The following NAV2 variants were observed in gnomAD, a reference collection of about 807,000 sequenced individuals.
NAV2 encodes neuron navigator 2.
In NAV2, 54 loss-of-function variants were observed where a neutral mutation model predicts 223.2. That is an observed-to-expected ratio of 0.24 (90% CI 0.19 to 0.30). The LOEUF (loss-of-function observed/expected upper bound fraction) is 0.30, where lower values mean the gene tolerates loss of function less well. Among genes scored for constraint, NAV2 ranks in the 10% least tolerant of loss-of-function variants. The pLI is 1.00. For missense variants in NAV2, 2,806 were observed against 3,147.5 expected, an observed-to-expected ratio of 0.89 and a Z score of 2.60; for synonymous variants, 1,279 against 1,239.3, an observed-to-expected ratio of 1.03 and a Z score of -0.67.
intron 11 of NAV2, among the ~76,000 whole-genome samples, chr11:19,991,482 C>G (rs1034532307): frequency 6.6e-6 from 1 of 152,194 alleles, no homozygotes; most frequent in Non-Finnish European, 1.5e-5. Context: ...AATCTAGGCT[C>G]TACCTCGTTG....
chr11:19,664,711 C>G (rs1345962050), intron 1 of NAV2, among the ~76,000 whole-genome samples: 2 of 152,156 alleles, frequency 1.3e-5, no homozygotes, highest in Non-Finnish European at 2.9e-5. Flanking sequence ...CTGCCTTTGA[C>G]CCATTAGCTA....
At chr11:19,917,074 C>A (rs2153225343) in intron 6 of NAV2, among the ~76,000 whole-genome samples, 1 of 152,332 alleles carries the variant, frequency 6.6e-6, no homozygotes, top group Middle Eastern at 3.4e-3. Context: ...GCTGGTGTAA[C>A]TAAGAGATCA....
chr11:19,512,516 T>G (rs1456931367), intron 1 of NAV2, among the ~76,000 whole-genome samples: 1 of 151,884 alleles, frequency 6.6e-6, no homozygotes, highest in Non-Finnish European at 1.5e-5. Flanking sequence ...AAAGGAAGGG[T>G]CCCATCCCCT....
At chr11:19,364,220 G>T (rs1253772916) in intron 1 of NAV2, among the ~76,000 whole-genome samples, 2 of 152,102 alleles carry the variant, frequency 1.3e-5, no homozygotes, top group South Asian at 2.1e-4. Flanking sequence ...ATAACAAAAG[G>T]TGCTCCTTTC....
chr11:19,441,446 ACG>A (rs550742376), intron 1 of NAV2, among the ~76,000 whole-genome samples: 17 of 124,076 alleles, frequency 1.4e-4, no homozygotes, highest in African/African-American at 3.4e-4. Context: ...ACACACACAC[ACG>A]CACACACACA....
At chr11:20,041,512 A>G (rs113812639) in intron 12 of NAV2, among the ~76,000 whole-genome samples, 39 of 152,344 alleles carry the variant, frequency 2.6e-4, no homozygotes, top group African/African-American at 8.7e-4. Flanking sequence ...ATTGGGGGGA[A>G]ATAAGTATAG....
intron 1 of NAV2, among the ~76,000 whole-genome samples, chr11:19,756,800 T>A (rs1239803105): frequency 6.6e-6 from 1 of 152,226 alleles, no homozygotes; most frequent in African/African-American, 2.4e-5. Flanking sequence ...AGTTTCTTTT[T>A]GGTGAGCACA....
At chr11:20,102,144 C>T (rs1033342226) in intron 32 of NAV2, among the ~76,000 whole-genome samples, 2 of 152,112 alleles carry the variant, frequency 1.3e-5, no homozygotes, top group Non-Finnish European at 2.9e-5. Flanking sequence ...GGAACTTCTC[C>T]TGGGACCAGT....
At chr11:20,081,089 C>T (rs2153663776) in intron 25 of NAV2, among the ~76,000 whole-genome samples, 2 of 152,328 alleles carry the variant, frequency 1.3e-5, no homozygotes, top group South Asian at 4.1e-4. Flanking sequence ...ACACTTCTCA[C>T]TCATTTTGTG....
At chr11:19,519,763 T>C (rs2043583224) in intron 1 of NAV2, 1 of 152,016 alleles carries the variant, frequency 6.6e-6, no homozygotes, top group Admixed American at 6.6e-5. Context: ...GAGGAGAATG[T>C]CCTTTAGCAA....
intron 1 of NAV2, among the ~76,000 whole-genome samples, chr11:19,466,690 A>C (rs1458819517): frequency 6.6e-6 from 1 of 152,166 alleles, no homozygotes; most frequent in Non-Finnish European, 1.5e-5. Context: ...AACCCAGAGG[A>C]GTCTGTCAGT....
At chr11:20,070,485 C>A (rs148668376) in intron 22 of NAV2, among the ~76,000 whole-genome samples, 2 of 152,334 alleles carry the variant, frequency 1.3e-5, no homozygotes, top group Non-Finnish European at 2.9e-5. Flanking sequence ...GCTCTCTGTT[C>A]TAGAAGAGTC....
chr11:19,430,478 C>A (rs1414033819), intron 1 of NAV2, among the ~76,000 whole-genome samples: 1 of 152,220 alleles, frequency 6.6e-6, no homozygotes, highest in East Asian at 1.9e-4. Flanking sequence ...TACAGTGCAC[C>A]CTTGCCCTGC....
At chr11:19,550,669 G>C (rs184362795) in intron 1 of NAV2, among the ~76,000 whole-genome samples, 1 of 152,218 alleles carries the variant, frequency 6.6e-6, no homozygotes, top group Non-Finnish European at 1.5e-5. Context: ...CAATGCTGTG[G>C]CTTCCTACGT....
rs1307382947 is a variant in NAV2, at chr11:19,998,700, T to C, written c.2768+14453T>C. Among the ~76,000 whole-genome samples, 1 of 136,642 alleles carries C rather than the reference T, an allele frequency of 7.3e-6. No homozygotes were observed. The highest frequency in any genetic ancestry group is 1.7e-5 in the Non-Finnish European group (1 of 60,088). 89.6% of individuals were successfully genotyped at this position (136,642 alleles called of 152,430 possible). A position where few individuals can be genotyped will look rare whatever the true frequency, so the allele number is the denominator to read the frequency against. On this transcript the variant is annotated intron_variant, in intron 11 of 37. Coordinates refer to ENST00000349880, the MANE Select transcript of NAV2 (RefSeq NM_145117.5). The surrounding 1 kb of genome is among the most constrained non-coding windows in gnomAD (Gnocchi z 5.0). ...CATACTGTCCCCTCTGCATAGACTG[T>C]GCTTCCCCCCCTCTCTCCTTTTCTC... is the stretch of plus-strand genomic sequence containing the variant.
At chr11:20,106,217 A>G (rs1228116178) in intron 35 of NAV2, among the ~76,000 whole-genome samples, 51 of 102,396 alleles carry the variant, frequency 5.0e-4, no homozygotes, top group East Asian at 2.3e-3. Flanking sequence ...ATATATATAT[A>G]TATATATATA....
chr11:19,411,831 C>G (rs574923168), intron 1 of NAV2, among the ~76,000 whole-genome samples: 2 of 152,174 alleles, frequency 1.3e-5, no homozygotes, highest in Non-Finnish European at 2.9e-5. Context: ...CCTGGAAACA[C>G]TGGCTGCACT....
chr11:19,666,986 G>T (rs1257431354), intron 1 of NAV2, among the ~76,000 whole-genome samples: 4 of 152,074 alleles, frequency 2.6e-5, no homozygotes, highest in Admixed American at 6.5e-5. Context: ...TGATTTAAAT[G>T]CCGCTTCCTC....
intron 1 of NAV2, among the ~76,000 whole-genome samples, chr11:19,742,662 G>A (rs2052953079): frequency 6.6e-6 from 1 of 152,266 alleles, no homozygotes; most frequent in Admixed American, 6.5e-5. Context: ...GGCACAGCCT[G>A]GTATCAGCTC....
Sources: gnomAD v4.1 joint callset for allele counts (sites outside exome capture counted in the v4.1 genomes callset) on GRCh38, gnomAD v4.1.1 for gene constraint, Gnocchi (gnomAD v3.1) non-coding constraint, MANE v1.5 for transcripts, NCBI Gene and HGNC (gene_info 2026-07-23, HGNC 2026-07-21) for gene names.